GALNT15: variants seen among roughly 807,000 people sequenced by gnomAD.
The protein encoded by GALNT15 is polypeptide N-acetylgalactosaminyltransferase 15.
In GALNT15, 67 loss-of-function variants were observed where a neutral mutation model predicts 66.8. The observed-to-expected ratio is 1.00, with a 90% confidence interval of 0.82 to 1.23. The LOEUF (loss-of-function observed/expected upper bound fraction) is 1.23. Ranked by LOEUF, GALNT15 falls within the 50% of genes most tolerant of loss-of-function variation. GALNT15 has a pLI of 0.00. For synonymous variants in GALNT15, 313 were observed against 311.5 expected, an observed-to-expected ratio of 1.00 and a Z score of -0.05; for missense variants, 827 against 804.3, an observed-to-expected ratio of 1.03 and a Z score of -0.34.
chr3:16,212,571 C>T lies in GALNT15; in HGVS notation c.1200C>T (p.Ala400=). 2 of 1,612,312 alleles carry T rather than the reference C, an allele frequency of 1.2e-6. No homozygotes were observed. The highest frequency in any genetic ancestry group is 1.7e-6 in the Non-Finnish European group (2 of 1,178,822). The change falls in exon 6 of 10, where the codon GCC becomes GCT. Residue 400 remains alanine, a splice_region_variant and synonymous_variant. Transcript: ENST00000339732. ...GGENLELSFK[A]WLCGGSVEIL... ...TTTATCTTTTCCCTTCGTGGCAGGCCTGGCTCTGTGGTGGCTCTGTTGAAA... is the reference window on the plus strand; with the variant it reads ...TTTATCTTTTCCCTTCGTGGCAGGCTTGGCTCTGTGGTGGCTCTGTTGAAA...
intron 3 of GALNT15, among the ~76,000 whole-genome samples, chr3:16,201,778 C>T (rs2063706352): frequency 6.6e-6 from 1 of 152,204 alleles, no homozygotes; most frequent in African/African-American, 2.4e-5. Flanking sequence ...ATCTCTTTCT[C>T]ACTTCCTTGC....
chr3:16,185,736 G>C (rs1486939708), intron 1 of GALNT15, among the ~76,000 whole-genome samples: 1 of 141,552 alleles, frequency 7.1e-6, no homozygotes, highest in African/African-American at 2.7e-5. Context: ...GTCCAAGATG[G>C]TGATAGACAG....
At chr3:16,239,774 G>A in the GALNT15 span, among the ~76,000 whole-genome samples, 16 of 152,360 alleles carry the variant, frequency 1.1e-4, no homozygotes, top group Admixed American at 9.1e-4. This position sits in a 1 kb window ranked among gnomAD's most constrained non-coding sequence, Gnocchi z 5.2. Flanking sequence ...TAAAAGGCAA[G>A]TAAGCATGGC....
downstream of GALNT15, among the ~76,000 whole-genome samples, chr3:16,234,684 AAACCCACC>A (rs2124916897): frequency 6.6e-6 from 1 of 152,326 alleles, no homozygotes; most frequent in South Asian, 2.1e-4. Context: ...CCTAATGGGG[AAACCCACC>A]CAAACACACA....
At chr3:16,212,266 A>G (rs543367899) in intron 5 of GALNT15, among the ~76,000 whole-genome samples, 2 of 152,012 alleles carry the variant, frequency 1.3e-5, no homozygotes, top group African/African-American at 4.8e-5. Flanking sequence ...TTCACATGCT[A>G]CATCTCTCTA....
intron 6 of GALNT15, among the ~76,000 whole-genome samples, chr3:16,216,092 A>G (rs1393943458): frequency 2.0e-5 from 3 of 152,102 alleles, no homozygotes; most frequent in East Asian, 1.9e-4. Context: ...GTGGAATGGA[A>G]TGGATGGATG....
At chr3:16,185,513 C>T (rs948933194) in intron 1 of GALNT15, among the ~76,000 whole-genome samples, 1 of 152,190 alleles carries the variant, frequency 6.6e-6, no homozygotes, top group African/African-American at 2.4e-5. Flanking sequence ...CTGATGAAAG[C>T]TGAGAGCACG....
the GALNT15 span, among the ~76,000 whole-genome samples, chr3:16,243,167 AAGAGCAGACCAGGCTCCCAAGGCTTT>A: frequency 6.6e-6 from 1 of 152,226 alleles, no homozygotes; most frequent in African/African-American, 2.4e-5. Flanking sequence ...CTGCACTTGC[AAGAGCAGACCAGGCTCCCAAGGCTTT>A]AGAGAAGACC....
chr3:16,193,042 T>C lies in GALNT15; in HGVS notation c.540-2718T>C, dbSNP rs556267643. On this transcript the variant is annotated intron_variant, in intron 1 of 9. Transcript: ENST00000339732. The surrounding 1 kb of genome is among the most constrained non-coding windows in gnomAD (Gnocchi z 4.7). The stretch of plus-strand genomic sequence containing the variant: ...ATGATTACGTGAGATATTTTCATGA[T>C]GGGGAGCTAGGTAAAGGGAACATAG... Among the ~76,000 whole-genome samples the C allele has an allele frequency of 1.3e-5, 2 of 152,320 alleles. No homozygotes were observed. The highest frequency in any genetic ancestry group is 4.8e-5 in the African/African-American group (2 of 41,574).
intron 6 of GALNT15, among the ~76,000 whole-genome samples, chr3:16,213,771 C>T (rs771370541): frequency 2.0e-5 from 3 of 152,168 alleles, no homozygotes; most frequent in Admixed American, 6.5e-5. Context: ...AAGCCTAGGC[C>T]GCTTAAATGG....
intron 6 of GALNT15, among the ~76,000 whole-genome samples, chr3:16,214,377 G>A (rs535847413): frequency 2.0e-5 from 3 of 152,344 alleles, no homozygotes; most frequent in East Asian, 1.9e-4. Flanking sequence ...TATATGATCC[G>A]AAAGTTACTT....
In GALNT15 at chr3:16,211,092, A is replaced by T; in HGVS notation, c.1080-32A>T. 1 of 1,523,020 alleles carries T rather than the reference A, an allele frequency of 6.6e-7. No individual in the cohort carries two copies. The highest frequency in any genetic ancestry group is 1.4e-5 in the African/African-American group (1 of 73,226). 94.3% of individuals were successfully genotyped at this position (1,523,020 alleles called of 1,614,324 possible). A position where few individuals can be genotyped will look rare whatever the true frequency, so the allele number is the denominator to read the frequency against. On this transcript the variant is annotated intron_variant, in intron 4 of 9. Coordinates refer to ENST00000339732, the MANE Select transcript of GALNT15 (RefSeq NM_054110.5). The surrounding 1 kb of genome is among the most constrained non-coding windows in gnomAD (Gnocchi z 4.3). ...TCGCCTGCTGTGCTCTGGGTTCTGAACTGCAGTGTCCTGCCTGTCTTCTGT... is the reference window on the plus strand; with the variant it reads ...TCGCCTGCTGTGCTCTGGGTTCTGATCTGCAGTGTCCTGCCTGTCTTCTGT...
chr3:16,184,324 G>C lies in GALNT15; in HGVS notation c.539+8634G>C, dbSNP rs1025052043. Among the ~76,000 whole-genome samples, 1 of 152,166 alleles carries C rather than the reference G, an allele frequency of 6.6e-6. No homozygotes were observed. Among genetic ancestry groups the C allele is most frequent in the Non-Finnish European group, 1.5e-5 (1 of 68,026 alleles). On this transcript the variant is annotated intron_variant, in intron 1 of 9. Transcript: ENST00000339732. This position sits in a 1 kb window ranked among gnomAD's most constrained non-coding sequence, Gnocchi z 5.0. ...CTCTGCATAAGTCCCTAGTCACTTG[G>C]GGCCTTGCTTTATGATGTTCAAGAG...
chr3:16,188,892 C>G lies in GALNT15; in HGVS notation c.540-6868C>G, dbSNP rs991955169. ...ACCTCCCTCCTTGTGTCCTCTCTCT[C>G]CAAGGTCCTCATGATGACATGAGGA... On this transcript the variant is annotated intron_variant, in intron 1 of 9. Coordinates refer to ENST00000339732, the MANE Select transcript of GALNT15 (RefSeq NM_054110.5). This position sits in a 1 kb window ranked among gnomAD's most constrained non-coding sequence, Gnocchi z 4.6. Among the ~76,000 whole-genome samples, 36 of 152,104 alleles carry G rather than the reference C, an allele frequency of 2.4e-4. No individual in the cohort carries two copies. Among genetic ancestry groups the G allele is most frequent in the African/African-American group, 8.7e-4 (36 of 41,412 alleles).
the GALNT15 span, among the ~76,000 whole-genome samples, chr3:16,241,984 G>A: frequency 5.9e-5 from 9 of 152,130 alleles, no homozygotes; most frequent in African/African-American, 2.2e-4. This position sits in a 1 kb window ranked among gnomAD's most constrained non-coding sequence, Gnocchi z 4.6. Context: ...ACATGGCAGG[G>A]GAGGCTGGCA....
At chr3:16,206,991 A>G (rs1289904431) in intron 3 of GALNT15, among the ~76,000 whole-genome samples, 1 of 152,224 alleles carries the variant, frequency 6.6e-6, no homozygotes. Context: ...TCTTAGGTCA[A>G]TACAGGGTAC....
rs1384146982 is a variant in GALNT15 at position 16,187,497 on chromosome 3, C to T, written c.540-8263C>T. Among the ~76,000 whole-genome samples, 1 of 152,140 alleles carries T rather than the reference C, an allele frequency of 6.6e-6. No homozygotes were observed. The highest frequency in any genetic ancestry group is 2.4e-5 in the African/African-American group (1 of 41,420). On this transcript the variant is annotated intron_variant, in intron 1 of 9. Transcript: ENST00000339732. This position sits in a 1 kb window ranked among gnomAD's most constrained non-coding sequence, Gnocchi z 5.1. Reference sequence around the variant, plus strand: ...GTTTTTCTTCAAGCAGACTGTAATCCTCTATTAGGCTACGTTGGTTTCATT... The same window carrying T: ...GTTTTTCTTCAAGCAGACTGTAATCTTCTATTAGGCTACGTTGGTTTCATT...
chr3:16,192,313 G>A (rs12486081), intron 1 of GALNT15, among the ~76,000 whole-genome samples: 11,073 of 152,234 alleles, frequency 0.073, 584 homozygotes, highest in South Asian at 0.23. Flanking sequence ...AGGCATAGCC[G>A]TGCTCTCTTC....
rs963381022 is a variant in GALNT15 at position 16,181,584 on chromosome 3, C to A, written c.539+5894C>A. The stretch of plus-strand genomic sequence containing the variant: ...CTGTGAAGACTCTGTCCTGCCAGGC[C>A]GTGATTCACCCCAAGATGACTCCCC... On this transcript the variant is annotated intron_variant, in intron 1 of 9. Coordinates refer to ENST00000339732, the MANE Select transcript of GALNT15 (RefSeq NM_054110.5). The surrounding 1 kb of genome is among the most constrained non-coding windows in gnomAD (Gnocchi z 5.9). Among the ~76,000 whole-genome samples the A allele has an allele frequency of 6.6e-6, 1 of 152,090 alleles. No individual in the cohort carries two copies. Among genetic ancestry groups the A allele is most frequent in the East Asian group, 1.9e-4 (1 of 5,180 alleles).
Sources: allele counts gnomAD v4.1 joint callset (sites outside exome capture counted in the v4.1 genomes callset), GRCh38; gene constraint gnomAD v4.1.1; non-coding constraint Gnocchi (gnomAD v3.1); transcripts MANE v1.5; gene names NCBI Gene and HGNC (gene_info 2026-07-23, HGNC 2026-07-21).